Variants in CPEB3 observed in about 807,000 individuals in gnomAD.
CPEB3 encodes the protein cytoplasmic polyadenylation element-binding protein 3.
In CPEB3, 20 loss-of-function variants were observed where a neutral mutation model predicts 67.2. The ratio of observed to expected loss-of-function variants is 0.30; its 90% CI spans 0.21 to 0.43. The LOEUF is 0.43. Among genes scored for constraint, CPEB3 ranks in the 20% least tolerant of loss-of-function variants. The pLI is 1.00. For missense variants in CPEB3, 746 were observed against 968.6 expected, an observed-to-expected ratio of 0.77 and a Z score of 3.05; for synonymous variants, 376 against 393.1, an observed-to-expected ratio of 0.96 and a Z score of 0.51.
At chr10:92,053,492 T>G (rs1409031472) in intron 9 of CPEB3, among the ~76,000 whole-genome samples, 1 of 151,024 alleles carries the variant, frequency 6.6e-6, no homozygotes, top group African/African-American at 2.4e-5. Flanking sequence ...GCCTCGCGAG[T>G]AGCTGGGATT....
rs190666475 is a variant in CPEB3 at position 92,097,822 on chromosome 10, A to G, written c.1573-5878T>C. ...ATTATCTTCTCCTTCTTGGAGTTTC[A>G]TGGCACCCATTAGCGTACTTAATTA... On this transcript the variant is annotated intron_variant, in intron 7 of 9. Coordinates refer to ENST00000265997, the MANE Select transcript of CPEB3 (RefSeq NM_014912.5). Among the ~76,000 whole-genome samples, 497 of 152,202 alleles carry G rather than the reference A, an allele frequency of 3.3e-3. 2 individuals are homozygous for G. Among genetic ancestry groups the G allele is most frequent in the South Asian group, 0.018 (85 of 4,814 alleles).
intron 2 of CPEB3, chr10:92,216,331 G>A (rs1186757654): frequency 4.5e-5 from 72 of 1,597,474 alleles, no homozygotes; most frequent in South Asian, 1.0e-4. Context: ...CGGCCGCTGC[G>A]ATGACCAAAA....
At chr10:92,242,963 G>A (rs1486559647) in intron 1 of CPEB3, among the ~76,000 whole-genome samples, 5 of 152,074 alleles carry the variant, frequency 3.3e-5, no homozygotes, top group Admixed American at 6.6e-5. Flanking sequence ...AGTATTCAAC[G>A]TCTCTCAGCA....
intron 6 of CPEB3, among the ~76,000 whole-genome samples, chr10:92,121,617 T>C (rs1845392194): frequency 2.0e-5 from 3 of 151,780 alleles, no homozygotes; most frequent in African/African-American, 7.3e-5. Context: ...TCAACAGTTC[T>C]TAAAATCAAC....
At chr10:92,121,191 G>A (rs1327255514) in intron 6 of CPEB3, among the ~76,000 whole-genome samples, 2 of 151,080 alleles carry the variant, frequency 1.3e-5, no homozygotes, top group African/African-American at 4.9e-5. Flanking sequence ...TGTATTTTTA[G>A]TAGAGACGAG....
In CPEB3 at chr10:92,098,770, C is replaced by CTT. The variant is rs984013045; in HGVS notation, c.1573-6828_1573-6827dup. On this transcript the variant is annotated intron_variant, in intron 7 of 9. Transcript: ENST00000265997. ...CCAGTTTAACTATTTTTCTTTTTTTCTTTTTTTTTTTTTTTTTTTGAGATG... is the reference window on the plus strand; with the variant it reads ...CCAGTTTAACTATTTTTCTTTTTTTCTTTTTTTTTTTTTTTTTTTTTGAGATG... Among the ~76,000 whole-genome samples, 131 of 124,546 alleles carry CTT rather than the reference C, an allele frequency of 1.1e-3. 2 individuals are homozygous for CTT. Among genetic ancestry groups the CTT allele is most frequent in the African/African-American group, 2.6e-3 (81 of 31,726 alleles). 81.7% of individuals were successfully genotyped at this position (124,546 alleles called of 152,430 possible).
intron 7 of CPEB3, among the ~76,000 whole-genome samples, chr10:92,109,322 G>A (rs1266172185): frequency 2.0e-5 from 3 of 150,980 alleles, no homozygotes; most frequent in Non-Finnish European, 2.9e-5. Context: ...ACGCGATCTC[G>A]GCTCACTGCA....
At chr10:92,253,463 C>CAAAAAAAAAAAAAAAAAAAA (rs370091703) in intron 1 of CPEB3, among the ~76,000 whole-genome samples, 1 of 76,838 alleles carries the variant, frequency 1.3e-5, no homozygotes, top group African/African-American at 4.5e-5. Context: ...TGTCTCAAAA[C>CAAAAAAAAAAAAAAAAAAAA]AAAAAAAAAA....
chr10:92,169,960 A>G (rs1487065702), intron 4 of CPEB3, among the ~76,000 whole-genome samples: 1 of 152,192 alleles, frequency 6.6e-6, no homozygotes, highest in Non-Finnish European at 1.5e-5. Context: ...TTTGGCCCCA[A>G]CCATCTTTCA....
At chr10:92,091,380 TCAA>T (rs1030903503) in intron 8 of CPEB3, among the ~76,000 whole-genome samples, 1 of 152,082 alleles carries the variant, frequency 6.6e-6, no homozygotes, top group African/African-American at 2.4e-5. Context: ...AGCCATCAGT[TCAA>T]CAACACTTCA....
chr10:92,236,989 C>G (rs1851569908), intron 2 of CPEB3, among the ~76,000 whole-genome samples: 1 of 125,422 alleles, frequency 8.0e-6, no homozygotes, highest in African/African-American at 6.1e-5. Flanking sequence ...AAAATAAACT[C>G]TGATTTAAAT....
At chr10:92,181,157 G>T in intron 3 of CPEB3, 138 bp from the exon 4 acceptor site, 5 of 466,266 alleles carry the variant, frequency 1.1e-5, no homozygotes, top group East Asian at 3.9e-5. Flanking sequence ...AGTTACAACA[G>T]TTTTAAAAAT....
chr10:92,221,423 G>T (rs2134446886), intron 2 of CPEB3, among the ~76,000 whole-genome samples: 1 of 152,268 alleles, frequency 6.6e-6, no homozygotes, highest in East Asian at 1.9e-4. Context: ...AGCCCGAGAG[G>T]CAAAGCCTGC....
intron 2 of CPEB3, among the ~76,000 whole-genome samples, chr10:92,196,941 A>G (rs1009904065): frequency 6.6e-6 from 1 of 152,022 alleles, no homozygotes; most frequent in African/African-American, 2.4e-5. Context: ...CAAAAAAAAA[A>G]AAAGGGTAGG....
intron 9 of CPEB3, among the ~76,000 whole-genome samples, chr10:92,054,380 C>G (rs1334861472): frequency 6.6e-6 from 1 of 151,900 alleles, no homozygotes; most frequent in Non-Finnish European, 1.5e-5. Context: ...ATTTAAAAGA[C>G]TGATAACTAT....
intron 7 of CPEB3, among the ~76,000 whole-genome samples, chr10:92,110,312 T>A (rs1003965878): frequency 2.6e-5 from 4 of 152,192 alleles, no homozygotes; most frequent in Admixed American, 2.6e-4. Context: ...TTGCCACATC[T>A]AGCACCAAGC....
chr10:92,221,356 G>A (rs1850689876), intron 2 of CPEB3, among the ~76,000 whole-genome samples: 1 of 152,094 alleles, frequency 6.6e-6, no homozygotes, highest in Non-Finnish European at 1.5e-5. Context: ...AGCTGGGCAT[G>A]GTGGCAGGTG....
chr10:92,135,739 T>C (rs1340278317), intron 6 of CPEB3, among the ~76,000 whole-genome samples: 2 of 152,084 alleles, frequency 1.3e-5, no homozygotes, highest in African/African-American at 4.8e-5. Context: ...CTATTCACAA[T>C]AGCAAAGACT....
At chr10:92,174,560 T>C (rs1848142211) in intron 4 of CPEB3, among the ~76,000 whole-genome samples, 1 of 152,182 alleles carries the variant, frequency 6.6e-6, no homozygotes, top group South Asian at 2.1e-4. Context: ...AAAATGTTTA[T>C]ATATCAATTC....
Sources: gnomAD v4.1 joint callset for allele counts (sites outside exome capture counted in the v4.1 genomes callset) on GRCh38, gnomAD v4.1.1 for gene constraint, MANE v1.5 for transcripts, NCBI Gene and HGNC (gene_info 2026-07-23, HGNC 2026-07-21) for gene names.